The following POLA1 variants were observed in gnomAD, a reference collection of about 807,000 sequenced individuals.
The protein encoded by POLA1 is DNA polymerase alpha catalytic subunit.
A neutral mutation model predicts 124.0 loss-of-function variants in POLA1; 15 were observed. The ratio of observed to expected loss-of-function variants is 0.12; its 90% CI spans 0.08 to 0.19. The LOEUF (loss-of-function observed/expected upper bound fraction) is 0.19. POLA1 is among the 10% of genes least tolerant of loss of function. The probability of loss-of-function intolerance (pLI) is 1.00; values close to 1 mark genes in which losing one functional copy is unlikely to be tolerated. For missense variants in POLA1, 886 were observed against 1,103.4 expected (o/e 0.80, Z 2.79); for synonymous variants, 408 against 389.4 (o/e 1.05, Z -0.56).
intron 10 of POLA1, among the ~76,000 whole-genome samples, chrX:24,722,152 T>C (rs761874818): frequency 1.8e-5 from 2 of 112,054 alleles, no homozygotes; most frequent in South Asian, 7.5e-4. Context: ...TTGTGAACAG[T>C]AGCCTTTGCA....
chrX:24,740,544 CTG>C (rs1931569466), intron 20 of POLA1, among the ~76,000 whole-genome samples: 1 of 112,072 alleles, frequency 8.9e-6, no homozygotes, highest in South Asian at 3.7e-4. Context: ...CAGTGACTCT[CTG>C]TTTCATTCAG....
In POLA1 at chrX:24,809,745, T is replaced by C. The variant is rs1289702382; in HGVS notation, c.2965-153T>C. Among the ~76,000 whole-genome samples, 5 of 111,470 alleles carry C rather than the reference T, an allele frequency of 4.5e-5. No individual in the cohort carries two copies. In the East Asian group the frequency reaches 1.4e-3, roughly 31 times the overall value. On this transcript the variant is annotated intron_variant, in intron 26 of 36. Coordinates refer to ENST00000379068, the MANE Select transcript of POLA1 (RefSeq NM_001330360.2). ...AGGCAAACTTAGATTATATTGATGT[T>C]ACTGTTATTTTAAGGGCTGTTGTTA...
Position 24,878,984 on chromosome X carries a change from A to G in POLA1, c.4048-9022A>G, listed in dbSNP as rs1018548080. 2.7e-5 allele frequency among the ~76,000 whole-genome samples: 3 copies of G among 112,076 alleles called. No individual in the cohort carries two copies. In the South Asian group the frequency reaches 1.1e-3, roughly 42 times the overall value. Reference sequence around the variant, plus strand: ...GAAAATTTTGAAAATACAGAAATAGAAGAAGAAACCACAGAGATTACTAGT... The same window carrying G: ...GAAAATTTTGAAAATACAGAAATAGGAGAAGAAACCACAGAGATTACTAGT... On this transcript the variant is annotated intron_variant, in intron 34 of 36. Coordinates refer to ENST00000379068, the MANE Select transcript of POLA1 (RefSeq NM_001330360.2).
chrX:24,749,221 G>A (rs944919414), intron 26 of POLA1, among the ~76,000 whole-genome samples: 2 of 107,094 alleles, frequency 1.9e-5, no homozygotes, highest in African/African-American at 6.9e-5. Context: ...ATTGTTCTAG[G>A]TTCTCAGGAT....
At chrX:24,862,177 C>A (rs926496023) in intron 34 of POLA1, among the ~76,000 whole-genome samples, 2 of 112,018 alleles carry the variant, frequency 1.8e-5, no homozygotes, top group African/African-American at 6.5e-5. Context: ...GTATAAAATA[C>A]AGTTTCACCT....
intron 32 of POLA1, among the ~76,000 whole-genome samples, chrX:24,834,339 G>A (rs1426325052): frequency 1.8e-5 from 2 of 111,462 alleles, no homozygotes; most frequent in African/African-American, 3.3e-5. Context: ...CCAAAGGCTC[G>A]GCTATTATTT....
chrX:24,725,246 G>C (rs1203675511), intron 12 of POLA1, among the ~76,000 whole-genome samples: 1 of 99,370 alleles, frequency 1.0e-5, no homozygotes, highest in Non-Finnish European at 2.0e-5. Flanking sequence ...CCAGGTTGGA[G>C]TGCAGTGGTG....
chrX:24,813,859 T>C (rs1481255116), intron 29 of POLA1, among the ~76,000 whole-genome samples: 1 of 108,465 alleles, frequency 9.2e-6, no homozygotes, highest in African/African-American at 3.3e-5. Flanking sequence ...TCATGTACCG[T>C]CTTAATTTGT....
At chrX:24,903,306 C>T (rs2047307449) in intron 35 of POLA1, among the ~76,000 whole-genome samples, 1 of 112,777 alleles carries the variant, frequency 8.9e-6, no homozygotes, top group South Asian at 3.6e-4. Flanking sequence ...GATGATTAAC[C>T]AGCACCTTAA....
chrX:24,950,833 G>C (rs891558441), intron 36 of POLA1, among the ~76,000 whole-genome samples: 11 of 111,980 alleles, frequency 9.8e-5, no homozygotes, highest in African/African-American at 3.6e-4. Flanking sequence ...GATACTAGCA[G>C]CTGTTACAGA....
intron 26 of POLA1, among the ~76,000 whole-genome samples, chrX:24,792,577 T>C (rs892563109): frequency 4.5e-5 from 5 of 112,065 alleles, no homozygotes; most frequent in Admixed American, 1.9e-4. Context: ...AATAAGAAAA[T>C]ACCAAAGTAA....
At chrX:24,945,114 A>G in intron 36 of POLA1, among the ~76,000 whole-genome samples, 1 of 112,426 alleles carries the variant, frequency 8.9e-6, no homozygotes, top group East Asian at 2.8e-4. Context: ...CCTACCTCAA[A>G]GGGTTCTAAA....
At chrX:24,935,192 C>T (rs1237446847) in intron 36 of POLA1, among the ~76,000 whole-genome samples, 2 of 112,187 alleles carry the variant, frequency 1.8e-5, no homozygotes, top group African/African-American at 3.2e-5. Flanking sequence ...ACAGTCCACT[C>T]CAGATACAGT....
intron 26 of POLA1, among the ~76,000 whole-genome samples, chrX:24,755,788 T>C (rs1341152953): frequency 8.9e-6 from 1 of 112,310 alleles, no homozygotes; most frequent in Admixed American, 9.4e-5. Flanking sequence ...TTCTAAAAGT[T>C]GCAAGGTTTG....
Position 24,748,897 on chromosome X carries a change from C to T in POLA1, c.2869C>T (p.Leu957Phe), listed in dbSNP as rs757592941. Residue 957 changes from leucine to phenylalanine, a missense_variant, in exon 26 of 37, where the codon CTC becomes TTC. Leu to Phe is a conservative substitution (Grantham distance 22). Transcript: ENST00000379068. ...TGACATTCGACAGAAGGCTTTGAAG[C>T]TCACAGCGAACAGTATGTATGGTTG... The part of the protein sequence containing the change: ...QYDIRQKALK[L>F]TANSMYGCLG... 3 of 1,206,434 alleles carry T rather than the reference C, an allele frequency of 2.5e-6. No individual in the cohort carries two copies. Among genetic ancestry groups the T allele is most frequent in the Non-Finnish European group, 3.4e-6 (3 of 890,548 alleles).
At chrX:24,971,759 A>G (rs1013762029) in intron 36 of POLA1, among the ~76,000 whole-genome samples, 2 of 111,190 alleles carry the variant, frequency 1.8e-5, no homozygotes, top group Non-Finnish European at 1.9e-5. Context: ...ATTATAAATT[A>G]ATCAAAATTT....
chrX:24,900,696 T>A lies in POLA1; in HGVS notation c.4164+12574T>A, dbSNP rs746119397. ...AGGCCCTCTGTGCTATCCTTCATTG[T>A]TCCTGCATTTACCTTCCTACTTCTA... On this transcript the variant is annotated intron_variant, in intron 35 of 36. Coordinates refer to ENST00000379068, the MANE Select transcript of POLA1 (RefSeq NM_001330360.2). Among the ~76,000 whole-genome samples the A allele has an allele frequency of 5.4e-5, 6 of 111,834 alleles. No homozygotes were observed. The East Asian group carries it at 1.7e-3, about 31-fold the overall frequency.
At chrX:24,778,379 C>T (rs1051832139) in intron 26 of POLA1, among the ~76,000 whole-genome samples, 5 of 110,988 alleles carry the variant, frequency 4.5e-5, no homozygotes, top group South Asian at 7.7e-4. Flanking sequence ...TACAGGCGCC[C>T]GCCACCACAC....
At chrX:24,916,455 A>G (rs1489464634) in intron 35 of POLA1, among the ~76,000 whole-genome samples, 1 of 109,360 alleles carries the variant, frequency 9.1e-6, no homozygotes, top group Non-Finnish European at 1.9e-5. Flanking sequence ...TAATTTTTGT[A>G]TTATTAGTAG....
Sources: allele counts gnomAD v4.1 joint callset (sites outside exome capture counted in the v4.1 genomes callset), GRCh38; gene constraint gnomAD v4.1.1; transcripts MANE v1.5; gene names NCBI Gene and HGNC (gene_info 2026-07-23, HGNC 2026-07-21).